The following AKAP8 variants were observed in gnomAD, a reference collection of about 807,000 sequenced individuals.
The protein encoded by AKAP8 is A-kinase anchoring protein 8, also known as A-kinase anchor protein 8.
AKAP8 carries 24 observed loss-of-function variants against 67.5 expected under a neutral mutation model. The ratio of observed to expected loss-of-function variants is 0.36; its 90% CI spans 0.26 to 0.50. AKAP8 has a LOEUF of 0.50. Among genes scored for constraint, AKAP8 ranks in the 20% least tolerant of loss-of-function variants. The pLI is 0.97. For missense variants in AKAP8, 971 were observed against 955.9 expected, an observed-to-expected ratio of 1.02 and a Z score of -0.21; for synonymous variants, 400 against 371.1, an observed-to-expected ratio of 1.08 and a Z score of -0.90.
chr19:15,369,518 T>G lies in AKAP8; in HGVS notation c.1072+628A>C, dbSNP rs950704805. On this transcript the variant is annotated intron_variant, in intron 8 of 13. Coordinates refer to ENST00000269701, the MANE Select transcript of AKAP8 (RefSeq NM_005858.4). This position sits in a 1 kb window ranked among gnomAD's most constrained non-coding sequence, Gnocchi z 4.6. Reference sequence around the variant, plus strand: ...CAGGCCGCGGCACCTCAGGCCGCTCTGCCATGAGGGATTTAAGCCTGCTCT... The same window carrying G: ...CAGGCCGCGGCACCTCAGGCCGCTCGGCCATGAGGGATTTAAGCCTGCTCT... Among the ~76,000 whole-genome samples, 3 of 152,246 alleles carry G rather than the reference T, an allele frequency of 2.0e-5. No individual in the cohort carries two copies. The highest frequency in any genetic ancestry group is 7.2e-5 in the African/African-American group (3 of 41,472).
chr19:15,371,609 C>T (rs1307035701), intron 7 of AKAP8, among the ~76,000 whole-genome samples: 1 of 152,086 alleles, frequency 6.6e-6, no homozygotes, highest in Non-Finnish European at 1.5e-5. Flanking sequence ...CTCCCTCAGC[C>T]TCCCAAGTAG....
At chr19:15,378,221 G>A (rs139244471) in intron 1 of AKAP8, among the ~76,000 whole-genome samples, 128 of 152,218 alleles carry the variant, frequency 8.4e-4, no homozygotes, top group African/African-American at 3.0e-3. Flanking sequence ...CTTCCCCTCC[G>A]TCATACCGCA....
chr19:15,368,503 G>T, intron 8 of AKAP8, 181 bp from the exon 9 acceptor site: 1 of 985,304 alleles, frequency 1.0e-6, no homozygotes, highest in Non-Finnish European at 1.2e-6. Flanking sequence ...ACACGGGCCT[G>T]GAGTGAGAGC....
Position 15,373,828 on chromosome 19 carries a change from C to A in AKAP8, c.329G>T (p.Gly110Val), listed in dbSNP as rs1236770565. Residue 110 changes from glycine to valine, a missense_variant, in exon 4 of 14, where the codon GGC becomes GTC. Around this residue, in one of 3 missense-constraint regions of AKAP8, gnomAD observed 763 missense variants for 745.4 expected, o/e 1.02. Transcript: ENST00000269701. ...LDMMSKEGGR[G>V]GSGGGGEGIQ... ...GCCCTCCCCACCGCCGCCGCTCCCGCCCCTGCCTCCTTCCTTGGACATCAT... is the reference window on the plus strand; with the variant it reads ...GCCCTCCCCACCGCCGCCGCTCCCGACCCTGCCTCCTTCCTTGGACATCAT... 1 of 1,612,020 alleles carries A rather than the reference C, an allele frequency of 6.2e-7. No individual in the cohort carries two copies. Among genetic ancestry groups the A allele is most frequent in the South Asian group, 1.1e-5 (1 of 91,002 alleles).
rs1189149472 is a variant in AKAP8 at position 15,372,298 on chromosome 19, T to C, written c.911A>G (p.Lys304Arg). Residue 304 changes from lysine (K) to arginine (R), a missense_variant, in exon 6 of 14, where the codon AAA (lysine) becomes AGA (arginine). Physicochemically the swap from Lys to Arg is conservative, Grantham distance 26. This residue lies in a region of AKAP8 where 763 missense variants were observed against 745.4 expected (regional missense o/e 1.02). Coordinates refer to ENST00000269701, the MANE Select transcript of AKAP8 (RefSeq NM_005858.4). ...DRFGPDGTGR[K>R]RKQFQLYEEP... ...CTCGTAAAGTTGGAACTGCTTCCGTTTCCTGCCCGTGCCATCTGGTCCGAA... is the reference window on the plus strand; with the variant it reads ...CTCGTAAAGTTGGAACTGCTTCCGTCTCCTGCCCGTGCCATCTGGTCCGAA... The C allele has an allele frequency of 1.9e-6, 3 of 1,614,174 alleles. No individual in the cohort carries two copies. The highest frequency in any genetic ancestry group is 2.5e-6 in the Non-Finnish European group (3 of 1,180,036).
rs369631726 is a variant in AKAP8, at chr19:15,354,997, C to T, written c.1997G>A (p.Arg666Lys). 5.6e-5 allele frequency: 91 copies of T among 1,614,110 alleles called. No homozygotes were observed. The Middle Eastern group carries it at 1.2e-3, about 20-fold the overall frequency. The change falls in exon 14 of 14, where the codon AGA (arginine) becomes AAA (lysine). Residue 666 changes from arginine (R) to lysine (K), a missense_variant. Physicochemically the swap from Arg to Lys is conservative, Grantham distance 26. Transcript: ENST00000269701. ...CGCGGCAGCTGGGGCAGGAGCAACT[C>T]TGGTTTGGGCACTTTCTGCCTCTGC... ...MAAEAESAQT[R>K]VAPAPAAADA...
Position 15,372,306 on chromosome 19 carries a change from C to A in AKAP8, c.903G>T (p.Thr301=). 2 of 1,614,158 alleles carry A rather than the reference C, an allele frequency of 1.2e-6. No homozygotes were observed. The highest frequency in any genetic ancestry group is 1.7e-6 in the Non-Finnish European group (2 of 1,180,036). The change falls in exon 6 of 14, where the codon ACG becomes ACT. Residue 301 remains threonine, a synonymous_variant. Transcript: ENST00000269701. ...RGFDRFGPDG[T]GRKRKQFQLY... ...GTTGGAACTGCTTCCGTTTCCTGCC[C>A]GTGCCATCTGGTCCGAAGCGGTCAA...
chr19:15,376,031 G>A (rs773341152), intron 2 of AKAP8, among the ~76,000 whole-genome samples: 5 of 151,894 alleles, frequency 3.3e-5, no homozygotes, highest in African/African-American at 4.8e-5. Flanking sequence ...CTGGGCTCAA[G>A]CAATCTTCCT....
At chr19:15,365,895 C>T (rs1042838032) in intron 9 of AKAP8, among the ~76,000 whole-genome samples, 2 of 151,788 alleles carry the variant, frequency 1.3e-5, no homozygotes, top group Non-Finnish European at 1.5e-5. Context: ...TGGTGGCGGG[C>T]GCCTGTAATT....
At chr19:15,373,476 A>T in intron 4 of AKAP8, 136 bp from the exon 5 acceptor site, 2 of 1,287,250 alleles carry the variant, frequency 1.6e-6, no homozygotes, top group Non-Finnish European at 1.0e-6. Flanking sequence ...TGCTGGGATG[A>T]CCAAAACTGA....
chr19:15,367,667 G>A (rs1047659432), intron 9 of AKAP8, among the ~76,000 whole-genome samples: 1 of 152,210 alleles, frequency 6.6e-6, no homozygotes, highest in Non-Finnish European at 1.5e-5. Flanking sequence ...CAGGCACATG[G>A]TGTGCTCACA....
At chr19:15,371,595 C>A (rs1483678496) in intron 7 of AKAP8, among the ~76,000 whole-genome samples, 4 of 151,676 alleles carry the variant, frequency 2.6e-5, no homozygotes, top group South Asian at 4.2e-4. Context: ...TTCAAGTGAT[C>A]CTCCTCCCTC....
In AKAP8 at chr19:15,354,016, C is replaced by G. The variant is rs1251533625; in HGVS notation, c.*899G>C. On this transcript the variant is annotated 3_prime_UTR_variant, in exon 14 of 14. Coordinates refer to ENST00000269701, the MANE Select transcript of AKAP8 (RefSeq NM_005858.4). ...ACCTATGGCAATCACATCAAGTTTT[C>G]TTTCCTTTTTTTTTAAGAGATGGGG... 3 of 143,580 alleles carry G rather than the reference C, an allele frequency of 2.1e-5. No homozygotes were observed. Among genetic ancestry groups the G allele is most frequent in the African/African-American group, 7.4e-5 (3 of 40,748 alleles). The allele number at this position is 143,580 out of a possible 1,614,324, so 8.9% of individuals were successfully genotyped here.
intron 8 of AKAP8, 80 bp from the exon 9 acceptor site, chr19:15,368,402 A>G: frequency 3.7e-6 from 6 of 1,603,746 alleles, no homozygotes; most frequent in Non-Finnish European, 5.1e-6. Flanking sequence ...GGGGGGCTGC[A>G]GCTTGGCCAC....
intron 1 of AKAP8, among the ~76,000 whole-genome samples, chr19:15,378,435 GA>G (rs1386242924): frequency 1.3e-5 from 2 of 152,166 alleles, no homozygotes; most frequent in African/African-American, 4.8e-5. Flanking sequence ...CAGGTAGGAA[GA>G]GGGGGTAAAA....
chr19:15,368,346 G>A (rs766613582), intron 8 of AKAP8, 24 bp from the exon 9 acceptor site: 29 of 1,612,886 alleles, frequency 1.8e-5, no homozygotes, highest in Non-Finnish European at 2.1e-5. Flanking sequence ...GTCCCTTCGA[G>A]ACGCTCTGAG....
At position 15,361,820 on chromosome 19, in the gene AKAP8, T is replaced by C; in HGVS notation, c.1305A>G (p.Glu435=). The C allele has an allele frequency of 6.2e-7, 1 of 1,613,276 alleles. No individual in the cohort carries two copies. Among genetic ancestry groups the C allele is most frequent in the African/African-American group, 1.3e-5 (1 of 75,026 alleles). ...TTTTCTTATTTCTGTTTACAATGTA[T>C]TCCTAGGTGGGATTGGAGAGGGCAT... ...LPDKTVEFLQ[E]YIVNRNKKIE... The change falls in exon 11 of 14, where the codon GAA becomes GAG. Residue 435 remains glutamate (E), a splice_region_variant and synonymous_variant. Coordinates refer to ENST00000269701, the MANE Select transcript of AKAP8 (RefSeq NM_005858.4).
At chr19:15,360,257 G>GGA (rs1279057183) in intron 12 of AKAP8, among the ~76,000 whole-genome samples, 1 of 152,198 alleles carries the variant, frequency 6.6e-6, no homozygotes. Flanking sequence ...AGTAAACTAA[G>GGA]GAGAGAGCTG....
intron 1 of AKAP8, among the ~76,000 whole-genome samples, chr19:15,378,015 C>T (rs999643103): frequency 5.3e-5 from 8 of 152,308 alleles, no homozygotes; most frequent in African/African-American, 1.4e-4. Flanking sequence ...TTTGATGAGG[C>T]AGGAACATAT....
Sources: gnomAD v4.1 joint callset for allele counts (sites outside exome capture counted in the v4.1 genomes callset) on GRCh38, gnomAD v4.1.1 for gene constraint, gnomAD v4.1.1 regional missense constraint, Gnocchi (gnomAD v3.1) non-coding constraint, MANE v1.5 for transcripts, NCBI Gene and HGNC (gene_info 2026-07-23, HGNC 2026-07-21) for gene names.